Variants in ZMAT4 observed in about 807,000 individuals in gnomAD.
The protein encoded by ZMAT4 is zinc finger matrin-type protein 4.
In ZMAT4, 17 loss-of-function variants were observed where a neutral mutation model predicts 28.7. The ratio of observed to expected loss-of-function variants is 0.59; its 90% CI spans 0.41 to 0.89. The LOEUF is 0.89. ZMAT4 is among the 40% of genes least tolerant of loss of function. The pLI is 0.00. For synonymous variants in ZMAT4, 117 were observed against 109.2 expected (o/e 1.07, Z -0.44); for missense variants, 240 against 283.8 (o/e 0.85, Z 1.11).
chr8:40,815,521 G>A (rs553351835), intron 2 of ZMAT4, among the ~76,000 whole-genome samples: 1 of 152,224 alleles, frequency 6.6e-6, no homozygotes, highest in Admixed American at 6.5e-5. Flanking sequence ...TAAGACTCTG[G>A]GATACCACAG....
At chr8:40,769,021 C>T (rs1813278280) in intron 2 of ZMAT4, among the ~76,000 whole-genome samples, 1 of 152,178 alleles carries the variant, frequency 6.6e-6, no homozygotes, top group African/African-American at 2.4e-5. Flanking sequence ...GTCCATTTTC[C>T]TCATTCATCA....
intron 3 of ZMAT4, among the ~76,000 whole-genome samples, chr8:40,752,059 C>G (rs1246135270): frequency 6.6e-6 from 1 of 152,120 alleles, no homozygotes; most frequent in African/African-American, 2.4e-5. Context: ...AAGACCACAC[C>G]TGAGTTCTAC....
chr8:40,545,401 T>G (rs1481412591), intron 6 of ZMAT4, among the ~76,000 whole-genome samples: 1 of 152,110 alleles, frequency 6.6e-6, no homozygotes, highest in Non-Finnish European at 1.5e-5. Context: ...TAACTAATAG[T>G]CAGTGTTATG....
chr8:40,661,133 C>T (rs537423784), intron 5 of ZMAT4, among the ~76,000 whole-genome samples: 1 of 152,266 alleles, frequency 6.6e-6, no homozygotes, highest in East Asian at 1.9e-4. Flanking sequence ...CAGAGTCTTG[C>T]TCTGTTGCCC....
intron 5 of ZMAT4, among the ~76,000 whole-genome samples, chr8:40,663,156 G>C (rs17640687): frequency 0.15 from 23,412 of 152,080 alleles, 1,851 homozygotes; most frequent in African/African-American, 0.2. Context: ...TCTAACCCAA[G>C]GTCCCATCTG....
intron 2 of ZMAT4, among the ~76,000 whole-genome samples, chr8:40,778,150 T>C (rs1405993691): frequency 1.3e-5 from 2 of 152,160 alleles, no homozygotes; most frequent in African/African-American, 4.8e-5. Context: ...ACAAACAAAA[T>C]TGTAGAGTAT....
chr8:40,820,247 T>A (rs890389651), intron 2 of ZMAT4, among the ~76,000 whole-genome samples: 1 of 151,128 alleles, frequency 6.6e-6, no homozygotes, highest in Admixed American at 6.6e-5. Context: ...CGTGTGCGCA[T>A]ATATGTGAGT....
At chr8:40,694,843 T>A (rs1326424574) in intron 4 of ZMAT4, among the ~76,000 whole-genome samples, 1 of 152,140 alleles carries the variant, frequency 6.6e-6, no homozygotes, top group Non-Finnish European at 1.5e-5. Context: ...ACTATTGATC[T>A]AACTTCCCCT....
intron 5 of ZMAT4, among the ~76,000 whole-genome samples, chr8:40,599,190 C>T (rs1036309721): frequency 1.3e-5 from 2 of 152,072 alleles, no homozygotes; most frequent in African/African-American, 4.8e-5. Context: ...AACACTCTGC[C>T]CTCCTATACT....
intron 4 of ZMAT4, among the ~76,000 whole-genome samples, chr8:40,687,272 T>C (rs1212567390): frequency 6.6e-6 from 1 of 152,194 alleles, no homozygotes; most frequent in African/African-American, 2.4e-5. Flanking sequence ...GATGGCCAGC[T>C]GTTTCCCAAA....
intron 1 of ZMAT4, among the ~76,000 whole-genome samples, chr8:40,881,905 C>A (rs1303094202): frequency 6.6e-6 from 1 of 152,152 alleles, no homozygotes; most frequent in African/African-American, 2.4e-5. Context: ...AGCCTGAGGA[C>A]ACATGCCACC....
At chr8:40,826,107 T>C (rs1816029496) in intron 1 of ZMAT4, among the ~76,000 whole-genome samples, 2 of 152,194 alleles carry the variant, frequency 1.3e-5, no homozygotes, top group South Asian at 4.1e-4. Context: ...AAACTAAAAA[T>C]TCTTAAAAAG....
intron 2 of ZMAT4, among the ~76,000 whole-genome samples, chr8:40,789,004 GAAGGAAAA>G (rs1814207336): frequency 8.7e-6 from 1 of 114,580 alleles, no homozygotes; most frequent in African/African-American, 3.3e-5. Flanking sequence ...AGGGAGGGAG[GAAGGAAAA>G]GAGGAAGGGA....
intron 5 of ZMAT4, among the ~76,000 whole-genome samples, chr8:40,598,160 C>A (rs1294858648): frequency 6.6e-6 from 1 of 152,138 alleles, no homozygotes; most frequent in African/African-American, 2.4e-5. Context: ...TTTCTTTGAA[C>A]ATGAAAGTAA....
chr8:40,804,894 T>C (rs1354096036), intron 2 of ZMAT4, among the ~76,000 whole-genome samples: 1 of 151,054 alleles, frequency 6.6e-6, no homozygotes, highest in Non-Finnish European at 1.5e-5. Flanking sequence ...AGTAACTGAG[T>C]AGTAGGCTCA....
intron 1 of ZMAT4, among the ~76,000 whole-genome samples, chr8:40,845,992 T>G (rs1463930070): frequency 6.6e-6 from 1 of 152,094 alleles, no homozygotes; most frequent in Non-Finnish European, 1.5e-5. Context: ...TTCGAAGGTT[T>G]GGACTTCAGC....
chr8:40,873,284 C>T (rs990290837), intron 1 of ZMAT4, among the ~76,000 whole-genome samples: 1 of 152,188 alleles, frequency 6.6e-6, no homozygotes, highest in Non-Finnish European at 1.5e-5. Context: ...TACAAAAATG[C>T]CCACTTATCA....
intron 5 of ZMAT4, among the ~76,000 whole-genome samples, chr8:40,653,837 G>GA (rs1807796535): frequency 6.6e-6 from 1 of 152,090 alleles, no homozygotes; most frequent in Non-Finnish European, 1.5e-5. Flanking sequence ...ACTATTTTAA[G>GA]AAAAGTTAAC....
At chr8:40,649,710 A>G (rs1807539812) in intron 5 of ZMAT4, among the ~76,000 whole-genome samples, 1 of 152,094 alleles carries the variant, frequency 6.6e-6, no homozygotes, top group Admixed American at 6.5e-5. Context: ...AAGAACAGAA[A>G]TTATAACAAA....
Sources: allele counts gnomAD v4.1 joint callset (sites outside exome capture counted in the v4.1 genomes callset), GRCh38; gene constraint gnomAD v4.1.1; transcripts MANE v1.5; gene names NCBI Gene and HGNC (gene_info 2026-07-23, HGNC 2026-07-21).